WWOX: variants seen among roughly 807,000 people sequenced by gnomAD.
WWOX encodes the protein WW domain-containing oxidoreductase.
In WWOX, 69 loss-of-function variants were observed where a neutral mutation model predicts 46.2. The observed-to-expected ratio is 1.49, with a 90% CI of 1.23 to 1.82. The LOEUF is 1.82. WWOX is among the 40% of genes most tolerant of loss of function. The probability of loss-of-function intolerance (pLI) is 0.00; values close to 1 mark genes in which losing one functional copy is unlikely to be tolerated. For missense variants in WWOX, 919 were observed against 542.6 expected (o/e 1.69, Z -6.89); for synonymous variants, 359 against 202.6 (o/e 1.77, Z -6.56).
chr16:78,776,829 C>G (rs2050201937), intron 8 of WWOX, among the ~76,000 whole-genome samples: 1 of 152,060 alleles, frequency 6.6e-6, no homozygotes, highest in South Asian at 2.1e-4. Flanking sequence ...ACATATAAAA[C>G]CATCAGATCG....
chr16:78,927,417 A>T (rs1375867611), intron 8 of WWOX, among the ~76,000 whole-genome samples: 2 of 152,130 alleles, frequency 1.3e-5, no homozygotes, highest in Non-Finnish European at 2.9e-5. Context: ...TGTTATTACC[A>T]TGTGTCTGTC....
At chr16:78,337,955 A>T (rs1367136203) in intron 5 of WWOX, among the ~76,000 whole-genome samples, 1 of 117,430 alleles carries the variant, frequency 8.5e-6, no homozygotes, top group East Asian at 1.9e-4. Context: ...TTCATCAGTA[A>T]GAGACCTCAC....
chr16:78,419,277 T>A, intron 6 of WWOX, among the ~76,000 whole-genome samples: 1 of 152,214 alleles, frequency 6.6e-6, no homozygotes, highest in Non-Finnish European at 1.5e-5. Flanking sequence ...TTTACAGAAA[T>A]TGAAAAGCTG....
chr16:78,984,954 T>G (rs1966986296), intron 8 of WWOX, among the ~76,000 whole-genome samples: 1 of 152,132 alleles, frequency 6.6e-6, no homozygotes, highest in African/African-American at 2.4e-5. Flanking sequence ...TTTGCCATGT[T>G]AAGAGGATAT....
Position 78,282,505 on chromosome 16 carries a change from C to T in WWOX, c.517-104355C>T, listed in dbSNP as rs76827179. 2.0e-3 allele frequency among the ~76,000 whole-genome samples: 305 copies of T among 152,242 alleles called. 2 individuals are homozygous for T. The highest frequency in any genetic ancestry group is 6.9e-3 in the African/African-American group (286 of 41,534). ...CGTTCTGTTACCTGGAAGCACAGGT[C>T]AAGGTAGTCTTCTTGTTCCACTGAT... On this transcript the variant is annotated intron_variant, in intron 5 of 8. Transcript: ENST00000566780.
At chr16:79,098,491 C>G (rs540776816) in intron 8 of WWOX, among the ~76,000 whole-genome samples, 2 of 152,258 alleles carry the variant, frequency 1.3e-5, no homozygotes, top group Non-Finnish European at 2.9e-5. Context: ...TCATTGGAAT[C>G]TTCTTCACCC....
intron 8 of WWOX, among the ~76,000 whole-genome samples, chr16:79,158,200 C>G (rs1214384095): frequency 1.3e-5 from 2 of 151,902 alleles, no homozygotes; most frequent in African/African-American, 4.8e-5. Flanking sequence ...ATGAGGTGAG[C>G]AAAAAATTGG....
At chr16:78,846,374 G>A (rs193093286) in intron 8 of WWOX, among the ~76,000 whole-genome samples, 3 of 151,944 alleles carry the variant, frequency 2.0e-5, no homozygotes, top group East Asian at 1.9e-4. Flanking sequence ...ATACCACCTG[G>A]CATTTATTAT....
chr16:79,119,288 G>A (rs970404312), intron 8 of WWOX, among the ~76,000 whole-genome samples: 4 of 152,234 alleles, frequency 2.6e-5, no homozygotes, highest in Admixed American at 6.5e-5. Context: ...GAAACACAGC[G>A]GAAATTCAAT....
chr16:78,410,109 C>A (rs921618759), intron 6 of WWOX, among the ~76,000 whole-genome samples: 1 of 152,180 alleles, frequency 6.6e-6, no homozygotes, highest in Non-Finnish European at 1.5e-5. Flanking sequence ...CTGGCACCTT[C>A]CTTCCTCTGT....
In WWOX at chr16:79,069,388, A is replaced by G. The variant is rs184716013; in HGVS notation, c.1057-142220A>G. On this transcript the variant is annotated intron_variant, in intron 8 of 8. Coordinates refer to ENST00000566780, the MANE Select transcript of WWOX (RefSeq NM_016373.4). ...AACAAATTCAAAACAGCTTTATTTCATTGACAGACAGGACCTTTTTGTTAA... is the reference window on the plus strand; with the variant it reads ...AACAAATTCAAAACAGCTTTATTTCGTTGACAGACAGGACCTTTTTGTTAA... 1.5e-4 allele frequency among the ~76,000 whole-genome samples: 23 copies of G among 152,270 alleles called. No individual in the cohort carries two copies. The East Asian group carries it at 2.3e-3, about 15-fold the overall frequency.
At chr16:79,183,306 C>T (rs1335126045) in intron 8 of WWOX, among the ~76,000 whole-genome samples, 3 of 152,280 alleles carry the variant, frequency 2.0e-5, no homozygotes, top group African/African-American at 7.2e-5. Context: ...CTTCAACCTT[C>T]TAGTCTTTGT....
At chr16:78,267,832 C>T (rs752420200) in intron 5 of WWOX, among the ~76,000 whole-genome samples, 3 of 151,808 alleles carry the variant, frequency 2.0e-5, no homozygotes, top group African/African-American at 4.8e-5. Flanking sequence ...CTCTGCCTGC[C>T]GGGTTCAAGT....
At chr16:78,685,296 C>T (rs912861440) in intron 8 of WWOX, among the ~76,000 whole-genome samples, 1 of 152,074 alleles carries the variant, frequency 6.6e-6, no homozygotes, top group Admixed American at 6.6e-5. Context: ...GGCCTGGGGA[C>T]GTCCCTTGGG....
At chr16:79,190,582 A>T (rs981418187) in intron 8 of WWOX, among the ~76,000 whole-genome samples, 2 of 151,040 alleles carry the variant, frequency 1.3e-5, no homozygotes, top group Non-Finnish European at 3.0e-5. Flanking sequence ...GTTCAGTCAA[A>T]TGTCAAGTCC....
intron 5 of WWOX, among the ~76,000 whole-genome samples, chr16:78,296,801 G>A (rs1244826889): frequency 2.0e-5 from 3 of 152,102 alleles, no homozygotes; most frequent in Non-Finnish European, 4.4e-5. Context: ...ATTTAGTTTA[G>A]GAATTGATGC....
intron 5 of WWOX, among the ~76,000 whole-genome samples, chr16:78,307,017 C>T (rs1022552858): frequency 6.6e-6 from 1 of 152,158 alleles, no homozygotes; most frequent in Non-Finnish European, 1.5e-5. Flanking sequence ...GACAGTTCTC[C>T]ATTATATCTT....
At chr16:78,560,351 T>A (rs2044405832) in intron 8 of WWOX, among the ~76,000 whole-genome samples, 1 of 152,154 alleles carries the variant, frequency 6.6e-6, no homozygotes. Flanking sequence ...CCATCAAGAA[T>A]AACATTAGTG....
At chr16:78,453,442 C>T (rs2083739964) in intron 8 of WWOX, among the ~76,000 whole-genome samples, 2 of 151,394 alleles carry the variant, frequency 1.3e-5, no homozygotes, top group South Asian at 2.1e-4. Context: ...AAAAAAATTT[C>T]TTATTCAGTT....
Sources: gnomAD v4.1 joint callset for allele counts (sites outside exome capture counted in the v4.1 genomes callset) on GRCh38, gnomAD v4.1.1 for gene constraint, MANE v1.5 for transcripts, NCBI Gene and HGNC (gene_info 2026-07-23, HGNC 2026-07-21) for gene names.